The following ZBTB20 variants were observed in gnomAD, a reference collection of about 807,000 sequenced individuals.
ZBTB20 encodes the protein zinc finger and BTB domain-containing protein 20.
In ZBTB20, 9 loss-of-function variants were observed where a neutral mutation model predicts 56.9. That is an observed-to-expected ratio of 0.16 (90% CI 0.10 to 0.28). The LOEUF (loss-of-function observed/expected upper bound fraction) is 0.28, where lower values mean the gene tolerates loss of function less well. Among genes scored for constraint, ZBTB20 ranks in the 10% least tolerant of loss-of-function variants. The pLI, the probability that ZBTB20 is intolerant of heterozygous loss-of-function variation, is 1.00. For synonymous variants in ZBTB20, 417 were observed against 420.7 expected (o/e 0.99, Z 0.11); for missense variants, 655 against 1,003.0 (o/e 0.65, Z 4.69).
At chr3:114,555,741 G>T (rs1300346129) in intron 6 of ZBTB20, among the ~76,000 whole-genome samples, 2 of 152,068 alleles carry the variant, frequency 1.3e-5, no homozygotes, top group African/African-American at 4.8e-5. Flanking sequence ...CACAGAAATT[G>T]ACCAGTTTTC....
At chr3:114,941,007 G>C (rs1314583174) in intron 3 of ZBTB20, among the ~76,000 whole-genome samples, 2 of 146,250 alleles carry the variant, frequency 1.4e-5, no homozygotes, top group African/African-American at 5.6e-5. Context: ...AGCGAATTTG[G>C]TGTCATTTTT....
intron 6 of ZBTB20, among the ~76,000 whole-genome samples, chr3:114,581,786 T>C (rs2054653319): frequency 6.6e-6 from 1 of 152,024 alleles, no homozygotes; most frequent in Non-Finnish European, 1.5e-5. Flanking sequence ...TTGTGAAGCA[T>C]GTGGAGAAGC....
At chr3:114,875,415 C>T (rs769510542) in intron 4 of ZBTB20, among the ~76,000 whole-genome samples, 12 of 152,082 alleles carry the variant, frequency 7.9e-5, no homozygotes, top group Non-Finnish European at 1.8e-4. Flanking sequence ...TCCACAGACT[C>T]GTTATGGTTT....
Position 114,817,405 on chromosome 3 carries a change from C to A in ZBTB20, c.-416-16231G>T, listed in dbSNP as rs535636655. ...TGGTGGCACATGCCTGTAATCCGAG[C>A]TACTCAGGAAGCTGAGGCAGGAGAA... On this transcript the variant is annotated intron_variant, in intron 4 of 11. Coordinates refer to ENST00000675478, the MANE Select transcript of ZBTB20 (RefSeq NM_001348800.3). 2.0e-5 allele frequency among the ~76,000 whole-genome samples: 3 copies of A among 152,022 alleles called. No individual in the cohort carries two copies. The East Asian group carries it at 5.8e-4, about 29-fold the overall frequency.
intron 4 of ZBTB20, among the ~76,000 whole-genome samples, chr3:114,847,362 C>T (rs532285542): frequency 6.6e-6 from 1 of 151,898 alleles, no homozygotes; most frequent in Non-Finnish European, 1.5e-5. Context: ...TGATCACCAA[C>T]TTTGAATATG....
intron 6 of ZBTB20, among the ~76,000 whole-genome samples, chr3:114,624,492 A>C (rs957527547): frequency 1.3e-5 from 2 of 152,172 alleles, no homozygotes; most frequent in Non-Finnish European, 2.9e-5. Context: ...GAAAAAGAGA[A>C]TCAAAAAGGA....
At chr3:114,783,068 A>C (rs1230585208) in intron 5 of ZBTB20, among the ~76,000 whole-genome samples, 1 of 152,214 alleles carries the variant, frequency 6.6e-6, no homozygotes, top group Non-Finnish European at 1.5e-5. Context: ...TCAAATTCCG[A>C]ACTGTGCTGA....
chr3:114,384,097 TCA>T (rs1168556304), intron 8 of ZBTB20, among the ~76,000 whole-genome samples: 9 of 96,774 alleles, frequency 9.3e-5, no homozygotes, highest in Non-Finnish European at 4.5e-5. Context: ...TTTTCAGTTC[TCA>T]TTCTCTCTCT....
At chr3:114,688,484 G>A (rs2062492010) in intron 6 of ZBTB20, 1 of 151,662 alleles carries the variant, frequency 6.6e-6, no homozygotes, top group African/African-American at 2.4e-5. Flanking sequence ...CATTTTCTTA[G>A]CAAAACTGAA....
intron 5 of ZBTB20, among the ~76,000 whole-genome samples, chr3:114,792,895 A>AGAT (rs2071071527): frequency 9.9e-6 from 1 of 101,520 alleles, no homozygotes; most frequent in East Asian, 2.7e-4. Context: ...TTTTTTTTTG[A>AGAT]GATGGAGTCT....
intron 4 of ZBTB20, among the ~76,000 whole-genome samples, chr3:114,871,756 T>C (rs2076020615): frequency 6.6e-6 from 1 of 152,178 alleles, no homozygotes. Context: ...AATCAGTTGC[T>C]AAGTCTTATT....
chr3:114,786,211 T>C (rs2108789266), intron 5 of ZBTB20, among the ~76,000 whole-genome samples: 1 of 152,176 alleles, frequency 6.6e-6, no homozygotes, highest in Non-Finnish European at 1.5e-5. Context: ...GTTACATAGG[T>C]ATACACGTGC....
chr3:115,064,201 T>A (rs1356953089), intron 2 of ZBTB20, among the ~76,000 whole-genome samples: 4 of 152,074 alleles, frequency 2.6e-5, no homozygotes. Flanking sequence ...TCCAGTAACT[T>A]CCCTTCACCT....
At chr3:114,437,763 T>G (rs2090613587) in intron 7 of ZBTB20, among the ~76,000 whole-genome samples, 2 of 152,080 alleles carry the variant, frequency 1.3e-5, no homozygotes, top group Admixed American at 1.3e-4. Flanking sequence ...CATGGGTGCT[T>G]GAAAACAGGT....
intron 1 of ZBTB20, among the ~76,000 whole-genome samples, chr3:115,078,976 C>G (rs1329615427): frequency 1.3e-5 from 2 of 151,972 alleles, no homozygotes; most frequent in Non-Finnish European, 2.9e-5. Context: ...AATACATGAA[C>G]TACATTTTTT....
At chr3:114,362,139 GA>G (rs2081957330) in intron 10 of ZBTB20, among the ~76,000 whole-genome samples, 1 of 152,124 alleles carries the variant, frequency 6.6e-6, no homozygotes, top group African/African-American at 2.4e-5. Context: ...AAAAATACGG[GA>G]ATTTTTTTGT....
intron 2 of ZBTB20, among the ~76,000 whole-genome samples, chr3:115,029,802 C>A (rs1447853713): frequency 6.6e-6 from 1 of 150,640 alleles, no homozygotes; most frequent in South Asian, 2.1e-4. Context: ...GAAGCAAATA[C>A]AGAAGAATTT....
At chr3:114,971,578 A>AGAATAAACAAG (rs1377673295) in intron 3 of ZBTB20, among the ~76,000 whole-genome samples, 1 of 152,246 alleles carries the variant, frequency 6.6e-6, no homozygotes, top group Non-Finnish European at 1.5e-5. Flanking sequence ...AAGGATGAAC[A>AGAATAAACAAG]GAATAAACAA....
At chr3:114,357,660 T>C (rs1370435293) in intron 10 of ZBTB20, among the ~76,000 whole-genome samples, 1 of 152,212 alleles carries the variant, frequency 6.6e-6, no homozygotes, top group African/African-American at 2.4e-5. Flanking sequence ...CAAAGGGGTC[T>C]GTGTTTTCCC....
Sources: gnomAD v4.1 joint callset for allele counts (sites outside exome capture counted in the v4.1 genomes callset) on GRCh38, gnomAD v4.1.1 for gene constraint, MANE v1.5 for transcripts, NCBI Gene and HGNC (gene_info 2026-07-23, HGNC 2026-07-21) for gene names.